The following NRXN1 variants were observed in gnomAD, a reference collection of about 807,000 sequenced individuals.
NRXN1 encodes neurexin 1.
NRXN1 carries 39 observed loss-of-function variants against 150.9 expected under a neutral mutation model. That is an observed-to-expected ratio of 0.26 (90% CI 0.20 to 0.34). The LOEUF is 0.34. NRXN1 is among the 10% of genes least tolerant of loss of function. The pLI is 1.00. For synonymous variants in NRXN1, 924 were observed against 757.0 expected, an observed-to-expected ratio of 1.22 and a Z score of -3.62; for missense variants, 1,815 against 1,949.9, an observed-to-expected ratio of 0.93 and a Z score of 1.30.
At chr2:49,944,323 G>T (rs1490822372) in intron 21 of NRXN1, among the ~76,000 whole-genome samples, 1 of 152,140 alleles carries the variant, frequency 6.6e-6, no homozygotes, top group East Asian at 1.9e-4. Flanking sequence ...AAAAAGGCAA[G>T]GAAATACAAT....
intron 21 of NRXN1, among the ~76,000 whole-genome samples, chr2:50,010,138 C>T (rs1048514786): frequency 2.6e-4 from 37 of 142,546 alleles, no homozygotes; most frequent in African/African-American, 7.5e-4. Context: ...CAAAACAAAA[C>T]GAACTCAAGT....
intron 18 of NRXN1, among the ~76,000 whole-genome samples, chr2:50,226,466 C>T (rs548606526): frequency 6.6e-6 from 1 of 151,472 alleles, no homozygotes; most frequent in African/African-American, 2.4e-5. Flanking sequence ...GTGCTTAGCA[C>T]TTAGAAGAAA....
At chr2:50,158,073 GT>G (rs2059134705) in intron 18 of NRXN1, among the ~76,000 whole-genome samples, 1 of 110,336 alleles carries the variant, frequency 9.1e-6, no homozygotes. Context: ...GAGTGTGTGT[GT>G]GTGTGTGTGT....
intron 2 of NRXN1, among the ~76,000 whole-genome samples, chr2:50,946,549 C>A (rs563942294): frequency 1.3e-5 from 2 of 152,220 alleles, no homozygotes; most frequent in Non-Finnish European, 2.9e-5. Flanking sequence ...AACTGCCCTA[C>A]TAAACTTACA....
chr2:50,500,719 T>C (rs2091898503), intron 13 of NRXN1, among the ~76,000 whole-genome samples: 1 of 152,208 alleles, frequency 6.6e-6, no homozygotes, highest in Admixed American at 6.5e-5. Context: ...CCAAAACATG[T>C]TTCCTAGATG....
intron 18 of NRXN1, among the ~76,000 whole-genome samples, chr2:50,218,579 C>T (rs1559112414): frequency 6.6e-6 from 1 of 151,338 alleles, no homozygotes; most frequent in Admixed American, 6.6e-5. Flanking sequence ...CTCCCCACCA[C>T]ATACCCACGG....
At chr2:50,224,693 AAGAGAGAGAGAG>A (rs201700032) in intron 18 of NRXN1, among the ~76,000 whole-genome samples, 26,924 of 130,210 alleles carry the variant, frequency 0.21, 3,024 homozygotes, top group African/African-American at 0.33. Flanking sequence ...GAGAGGGAGA[AAGAGAGAGAGAG>A]AGAGAGAGAG....
chr2:50,495,092 C>T (rs931692108), intron 15 of NRXN1, among the ~76,000 whole-genome samples: 2 of 151,804 alleles, frequency 1.3e-5, no homozygotes, highest in East Asian at 1.9e-4. Context: ...TCCCCTCCTC[C>T]GATTTTCTAC....
At chr2:51,008,539 G>C (rs1364660586) in intron 2 of NRXN1, among the ~76,000 whole-genome samples, 3 of 151,860 alleles carry the variant, frequency 2.0e-5, no homozygotes, top group Admixed American at 6.6e-5. Flanking sequence ...GCAGGGTATG[G>C]CATACAATCA....
intron 18 of NRXN1, among the ~76,000 whole-genome samples, chr2:50,214,914 T>G (rs17508684): frequency 2.6e-5 from 4 of 151,954 alleles, no homozygotes; most frequent in Non-Finnish European, 4.4e-5. Flanking sequence ...TATAAACTGA[T>G]GCAGGGTAAA....
chr2:50,275,872 A>G (rs1302270040), intron 17 of NRXN1, among the ~76,000 whole-genome samples: 2 of 151,856 alleles, frequency 1.3e-5, no homozygotes, highest in African/African-American at 4.8e-5. Context: ...CTGTATAACT[A>G]TAGTGTCAAA....
chr2:50,963,259 A>G (rs1214393732), intron 2 of NRXN1, among the ~76,000 whole-genome samples: 3 of 151,530 alleles, frequency 2.0e-5, no homozygotes, highest in Non-Finnish European at 4.4e-5. Flanking sequence ...AACAACAACA[A>G]CAAAAGAAAA....
At chr2:50,638,728 T>C (rs1419367214) in intron 5 of NRXN1, among the ~76,000 whole-genome samples, 1 of 152,188 alleles carries the variant, frequency 6.6e-6, no homozygotes, top group Non-Finnish European at 1.5e-5. Context: ...CTTTTAAAGA[T>C]CATTTTCCTT....
chr2:50,098,767 A>C (rs191642739), intron 18 of NRXN1, among the ~76,000 whole-genome samples: 1 of 138,102 alleles, frequency 7.2e-6, no homozygotes, highest in Admixed American at 7.6e-5. Flanking sequence ...AAACTAAGGC[A>C]CCCTTAGAGG....
intron 18 of NRXN1, among the ~76,000 whole-genome samples, chr2:50,232,387 C>CTTTTTTTTTT (rs56846249): frequency 1.1e-4 from 6 of 55,224 alleles, no homozygotes; most frequent in East Asian, 3.5e-4. Context: ...CTTTTCTTTT[C>CTTTTTTTTTT]TTTTTTTTTT....
chr2:50,717,535 T>A (rs549888661), intron 5 of NRXN1, among the ~76,000 whole-genome samples: 1 of 152,330 alleles, frequency 6.6e-6, no homozygotes, highest in Non-Finnish European at 1.5e-5. Context: ...ATGAAGGCTA[T>A]TTTTAAAGTA....
chr2:50,031,591 A>G (rs1689187769), intron 21 of NRXN1, among the ~76,000 whole-genome samples: 2 of 152,056 alleles, frequency 1.3e-5, no homozygotes, highest in Admixed American at 6.6e-5. Context: ...GTAAACAAAT[A>G]TTACTTTGCC....
At chr2:50,083,890 C>T (rs1042151217) in intron 19 of NRXN1, among the ~76,000 whole-genome samples, 3 of 152,082 alleles carry the variant, frequency 2.0e-5, no homozygotes, top group African/African-American at 7.2e-5. Context: ...CTTAGGTAGA[C>T]ATAAAGGTTC....
chr2:50,304,927 T>C (rs556959195), intron 17 of NRXN1, among the ~76,000 whole-genome samples: 189 of 152,138 alleles, frequency 1.2e-3, no homozygotes, highest in African/African-American at 4.4e-3. Context: ...CCGTGTCTAC[T>C]AAAAATACAA....
Sources: allele counts gnomAD v4.1 joint callset (sites outside exome capture counted in the v4.1 genomes callset), GRCh38; gene constraint gnomAD v4.1.1; transcripts MANE v1.5; gene names NCBI Gene and HGNC (gene_info 2026-07-23, HGNC 2026-07-21).